Variants in SYNE2 observed in about 807,000 individuals in gnomAD.
SYNE2 encodes spectrin repeat containing nuclear envelope protein 2.
A neutral mutation model predicts 856.3 loss-of-function variants in SYNE2; 431 were observed. The ratio of observed to expected loss-of-function variants is 0.50; its 90% CI spans 0.47 to 0.55. The LOEUF (loss-of-function observed/expected upper bound fraction) is 0.55. SYNE2 is among the 20% of genes least tolerant of loss of function. The pLI is 0.00. For missense variants in SYNE2, 8,129 were observed against 8,023.2 expected (o/e 1.01, Z -0.50); for synonymous variants, 2,923 against 2,872.3 (o/e 1.02, Z -0.56).
chr14:64,106,147 C>A (rs1313616187), intron 64 of SYNE2, among the ~76,000 whole-genome samples: 2 of 137,206 alleles, frequency 1.5e-5, no homozygotes, highest in Non-Finnish European at 3.1e-5. Flanking sequence ...CCCCCCCAAC[C>A]AACACACAAG....
intron 10 of SYNE2, among the ~76,000 whole-genome samples, chr14:63,965,965 A>T (rs1392789589): frequency 6.6e-6 from 1 of 152,222 alleles, no homozygotes; most frequent in Non-Finnish European, 1.5e-5. Context: ...AATAGGAAGA[A>T]GGCTTTATGA....
At position 64,003,101 on chromosome 14, in the gene SYNE2, G is replaced by C. The variant is rs748204670; in HGVS notation, c.4168G>C (p.Asp1390His). 18 of 1,614,064 alleles carry C rather than the reference G, an allele frequency of 1.1e-5. No individual in the cohort carries two copies. The highest frequency in any genetic ancestry group is 7.7e-5 in the South Asian group (7 of 91,086). ...GAAGATGCTCGATATGAGCTTTAAA[G>C]ATGCTGAACGGGGTGATGACACCTC... ...CLKMLDMSFK[D>H]AERGDDTSCE... Residue 1390 changes from aspartate to histidine, a missense_variant, in exon 30 of 116, where the codon GAT becomes CAT. Around this residue, in one of 3 missense-constraint regions of SYNE2, gnomAD observed 2,422 missense variants for 2,357.4 expected, o/e 1.03. Coordinates refer to ENST00000555002, the MANE Select transcript of SYNE2 (RefSeq NM_182914.3).
intron 45 of SYNE2, among the ~76,000 whole-genome samples, chr14:64,041,388 A>G (rs761818288): frequency 2.6e-4 from 39 of 152,222 alleles, no homozygotes; most frequent in Non-Finnish European, 3.8e-4. Flanking sequence ...CACAAAATTT[A>G]AAGACAATCT....
intron 105 of SYNE2, among the ~76,000 whole-genome samples, chr14:64,213,960 C>T (rs189903483): frequency 1.7e-4 from 26 of 152,060 alleles, no homozygotes; most frequent in Admixed American, 1.4e-3. Flanking sequence ...CTTTTTTTTC[C>T]TAAGAAAAAA....
intron 6 of SYNE2, among the ~76,000 whole-genome samples, chr14:63,948,086 C>A (rs2096063649): frequency 6.6e-6 from 1 of 151,714 alleles, no homozygotes; most frequent in Non-Finnish European, 1.5e-5. Context: ...TTGCTTTTTG[C>A]ATTTTTATAT....
chr14:63,867,759 A>AAGCC (rs201110012), intron 1 of SYNE2, among the ~76,000 whole-genome samples: 2,128 of 151,778 alleles, frequency 0.014, 41 homozygotes, highest in African/African-American at 0.047. Flanking sequence ...GAAAGAAAGC[A>AAGCC]AGCCAGCCAG....
chr14:64,093,299 A>G, intron 60 of SYNE2, 50 bp from the exon 61 acceptor site: 1 of 1,606,640 alleles, frequency 6.2e-7, no homozygotes, highest in Non-Finnish European at 8.5e-7. Context: ...TAGTCCATTA[A>G]TCTGCTTAGA....
chr14:64,065,646 A>G lies in SYNE2; in HGVS notation c.10427A>G (p.Glu3476Gly), dbSNP rs866558509. ...ELKQEWKFVS[E>G]EIEREAIILD... ...AAGCAGGAATGGAAATTTGTCAGTGAAGAAGTGAGTGCTTCATTTTCAACA... is the reference window on the plus strand; with the variant it reads ...AAGCAGGAATGGAAATTTGTCAGTGGAGAAGTGAGTGCTTCATTTTCAACA... The change falls in exon 51 of 116, where the codon GAA (glutamate) becomes GGA (glycine). Residue 3476 changes from glutamate to glycine, a missense_variant. This residue lies in a region of SYNE2 where 5,410 missense variants were observed against 5,284.8 expected (regional missense o/e 1.02). Coordinates refer to ENST00000555002, the MANE Select transcript of SYNE2 (RefSeq NM_182914.3). 1.9e-6 allele frequency: 3 copies of G among 1,614,152 alleles called. No individual in the cohort carries two copies. The African/African-American group carries it at 4.0e-5, about 22-fold the overall frequency.
intron 8 of SYNE2, chr14:63,960,736 A>G (rs760886058): frequency 1.3e-6 from 1 of 763,794 alleles, no homozygotes; most frequent in East Asian, 2.4e-5. Context: ...CACTTATTAG[A>G]TGCCTGGAGA....
At chr14:63,923,717 C>T (rs1227638732) in intron 2 of SYNE2, among the ~76,000 whole-genome samples, 1 of 152,028 alleles carries the variant, frequency 6.6e-6, no homozygotes, top group East Asian at 1.9e-4. Flanking sequence ...AATTCACATA[C>T]AATGCAATTC....
intron 16 of SYNE2, 144 bp from the exon 17 acceptor site, chr14:63,982,486 C>T (rs2153474658): frequency 2.6e-6 from 2 of 763,724 alleles, no homozygotes; most frequent in African/African-American, 1.9e-5. Flanking sequence ...CGCCACTGCA[C>T]TCCAGCCTGG....
chr14:63,875,474 C>A (rs984771565), intron 1 of SYNE2, among the ~76,000 whole-genome samples: 1 of 152,144 alleles, frequency 6.6e-6, no homozygotes, highest in African/African-American at 2.4e-5. Context: ...TCTTCCAACA[C>A]CATCACTTCC....
At chr14:63,916,233 C>CT (rs1382656745) in intron 2 of SYNE2, among the ~76,000 whole-genome samples, 3 of 152,052 alleles carry the variant, frequency 2.0e-5, no homozygotes, top group Non-Finnish European at 2.9e-5. Flanking sequence ...TCTGGAATAT[C>CT]TTTTTATGTT....
At chr14:63,865,661 G>A (rs1449244266) in intron 1 of SYNE2, among the ~76,000 whole-genome samples, 2 of 145,444 alleles carry the variant, frequency 1.4e-5, no homozygotes, top group African/African-American at 5.0e-5. Context: ...GCAGTGAGCC[G>A]AGATCACGCC....
At chr14:64,097,344 AG>A (rs2153634854) in intron 61 of SYNE2, among the ~76,000 whole-genome samples, 1 of 152,240 alleles carries the variant, frequency 6.6e-6, no homozygotes, top group Admixed American at 6.5e-5. Context: ...TTAAAAAAAA[AG>A]TAAATGAATT....
At chr14:63,783,201 C>A (rs1254594474) in intron 1 of SYNE2, among the ~76,000 whole-genome samples, 1 of 152,068 alleles carries the variant, frequency 6.6e-6, no homozygotes, top group Non-Finnish European at 1.5e-5. Context: ...GAGATCTGAT[C>A]GTTTTATAAG....
chr14:63,786,713 C>T (rs1250247952), intron 1 of SYNE2, among the ~76,000 whole-genome samples: 2 of 152,084 alleles, frequency 1.3e-5, no homozygotes, highest in Non-Finnish European at 2.9e-5. Context: ...ATCTTCTTAT[C>T]CTGAATAAAT....
At chr14:64,012,948 T>C (rs2096858314) in intron 32 of SYNE2, among the ~76,000 whole-genome samples, 1 of 152,236 alleles carries the variant, frequency 6.6e-6, no homozygotes, top group Non-Finnish European at 1.5e-5. Context: ...CCTTCAAAAC[T>C]GTAGTAACCT....
rs768806489 is a variant in SYNE2 at position 64,002,961 on chromosome 14, C to G, written c.4028C>G (p.Thr1343Arg). 1 of 1,614,192 alleles carries G rather than the reference C, an allele frequency of 6.2e-7. No individual in the cohort carries two copies. The highest frequency in any genetic ancestry group is 8.5e-7 in the Non-Finnish European group (1 of 1,180,038). The change falls in exon 30 of 116, where the codon ACA (threonine) becomes AGA (arginine). Residue 1343 changes from threonine (T) to arginine (R), a missense_variant. By Grantham distance (71) the Thr-to-Arg change is moderately conservative. This residue lies in a region of SYNE2 where 2,422 missense variants were observed against 2,357.4 expected (regional missense o/e 1.03). Transcript: ENST00000555002. Reference sequence around the variant, plus strand: ...GCTAAACTCTCTGCTGAGCCCGTTACAGACCTTTCAGCCTCAGATACACAG... The same window carrying G: ...GCTAAACTCTCTGCTGAGCCCGTTAGAGACCTTTCAGCCTCAGATACACAG... Reference protein sequence around the residue: ...RTAKLSAEPVTDLSASDTQVA... With the variant: ...RTAKLSAEPVRDLSASDTQVA...
Sources: gnomAD v4.1 joint callset for allele counts (sites outside exome capture counted in the v4.1 genomes callset) on GRCh38, gnomAD v4.1.1 for gene constraint, gnomAD v4.1.1 regional missense constraint, MANE v1.5 for transcripts, NCBI Gene and HGNC (gene_info 2026-07-23, HGNC 2026-07-21) for gene names.